The following TJP2 variants were observed in gnomAD, a reference collection of about 807,000 sequenced individuals.
The protein encoded by TJP2 is tight junction protein 2.
In TJP2, 91 loss-of-function variants were observed where a neutral mutation model predicts 133.1. The ratio of observed to expected loss-of-function variants is 0.68; its 90% CI spans 0.58 to 0.81. TJP2 has a LOEUF of 0.81. Among genes scored for constraint, TJP2 ranks in the 40% least tolerant of loss-of-function variants. The pLI, the probability that TJP2 is intolerant of heterozygous loss-of-function variation, is 0.00. For missense variants in TJP2, 1,541 were observed against 1,565.6 expected (o/e 0.98, Z 0.26); for synonymous variants, 592 against 583.4 (o/e 1.01, Z -0.21).
chr9:69,218,759 T>TA (rs1373178497), intron 4 of TJP2, among the ~76,000 whole-genome samples: 1 of 152,218 alleles, frequency 6.6e-6, no homozygotes, highest in Non-Finnish European at 1.5e-5. Context: ...AGACTGTCTA[T>TA]AATCTTCATT....
At chr9:69,224,373 T>G (rs1413755939) in intron 5 of TJP2, among the ~76,000 whole-genome samples, 3 of 152,128 alleles carry the variant, frequency 2.0e-5, no homozygotes, top group Admixed American at 6.5e-5. Context: ...CTCCCCAACA[T>G]TTTATTTGAA....
intron 1 of TJP2, among the ~76,000 whole-genome samples, chr9:69,190,640 T>C (rs2133060151): frequency 6.6e-6 from 1 of 152,246 alleles, no homozygotes; most frequent in East Asian, 1.9e-4. Context: ...AAATGAAAAA[T>C]GAGGCAAAAG....
intron 1 of TJP2, among the ~76,000 whole-genome samples, chr9:69,177,411 T>C (rs962757368): frequency 2.0e-5 from 3 of 152,214 alleles, no homozygotes; most frequent in Non-Finnish European, 2.9e-5. Context: ...TCAATGGTTA[T>C]GTGAACTTTG....
intron 17 of TJP2, among the ~76,000 whole-genome samples, chr9:69,242,151 G>T (rs928805227): frequency 1.3e-5 from 2 of 152,244 alleles, no homozygotes; most frequent in Admixed American, 6.5e-5. Context: ...AAGGCAGCCA[G>T]TGACTGTGGG....
At chr9:69,129,994 G>T (rs536823996) in intron 1 of TJP2, among the ~76,000 whole-genome samples, 29 of 139,520 alleles carry the variant, frequency 2.1e-4, no homozygotes, top group Non-Finnish European at 2.6e-4. Context: ...CAGCCTGGGG[G>T]ACAAGAGCGA....
chr9:69,178,087 C>T (rs770906412), intron 1 of TJP2, among the ~76,000 whole-genome samples: 1 of 151,986 alleles, frequency 6.6e-6, no homozygotes, highest in Non-Finnish European at 1.5e-5. Flanking sequence ...ACAACCAAAG[C>T]TTCATCATCC....
intron 1 of TJP2, among the ~76,000 whole-genome samples, chr9:69,131,173 A>C (rs1466877217): frequency 6.6e-6 from 1 of 152,172 alleles, no homozygotes; most frequent in Non-Finnish European, 1.5e-5. Flanking sequence ...CAGAAGCAAG[A>C]TTTCTTTGTG....
At chr9:69,140,813 G>A (rs542767891) in intron 1 of TJP2, among the ~76,000 whole-genome samples, 16 of 152,222 alleles carry the variant, frequency 1.1e-4, no homozygotes, top group African/African-American at 3.1e-4. Context: ...AATAGGGAGC[G>A]GTGTTCCCTC....
upstream of TJP2, chr9:69,121,364 A>G (rs1334303810): frequency 2.0e-6 from 2 of 985,022 alleles, no homozygotes; most frequent in Non-Finnish European, 2.4e-6. Context: ...TCAAGGAAGC[A>G]GGTGACAGCC....
At chr9:69,216,277 G>A (rs968904122) in intron 2 of TJP2, 62 bp from the exon 3 acceptor site, 4 of 1,602,528 alleles carry the variant, frequency 2.5e-6, no homozygotes, top group Middle Eastern at 1.7e-4. Flanking sequence ...TTGAGTGCTT[G>A]TAATAAATCC....
chr9:69,237,002 G>T lies in TJP2; in HGVS notation c.2045G>T (p.Arg682Leu), dbSNP rs374930338. The change falls in exon 14 of 23, where the codon CGG (arginine) becomes CTG (leucine). Residue 682 changes from arginine (R) to leucine (L), a missense_variant. By Grantham distance (102) the Arg-to-Leu change is moderately radical (BLOSUM62 -2). Transcript: ENST00000377245. ...QNAQRDNAGDRADFWRMRGQR... is the reference protein window; with the variant it reads ...QNAQRDNAGDLADFWRMRGQR... ...GCCCAGAGAGACAACGCTGGGGACC[G>T]GGCAGATTTCTGGAGAATGCGTGGC... 6.2e-7 allele frequency: 1 copy of T among 1,614,080 alleles called. No individual in the cohort carries two copies. The highest frequency in any genetic ancestry group is 8.5e-7 in the Non-Finnish European group (1 of 1,180,040).
At chr9:69,205,186 A>G (rs1479648771) in intron 1 of TJP2, 1 of 1,537,192 alleles carries the variant, frequency 6.5e-7, no homozygotes, top group East Asian at 2.4e-5. Flanking sequence ...AGCCCTACAT[A>G]GGATGTGGAT....
intron 10 of TJP2, 61 bp from the exon 11 acceptor site, chr9:69,230,021 G>A: frequency 6.3e-7 from 1 of 1,596,072 alleles, no homozygotes; most frequent in South Asian, 1.1e-5. Flanking sequence ...ATTTGCTAAT[G>A]TTGTTCTCCC....
In TJP2 at chr9:69,156,534, T is replaced by A. The variant is rs928333814; in HGVS notation, c.-10+4763T>A. ...TCAATACATGTAAGATTTTTTTTTT[T>A]TTTTTTTTTTTTTTTGAGACGGAGT... On this transcript the variant is annotated intron_variant, in intron 2 of 5. Coordinates refer to the TJP2 transcript ENST00000423935. 6.4e-5 allele frequency among the ~76,000 whole-genome samples: 9 copies of A among 141,176 alleles called. 1 individual carries two copies. Among genetic ancestry groups the A allele is most frequent in the East Asian group, 2.1e-4 (1 of 4,810 alleles). 92.6% of individuals were successfully genotyped at this position (141,176 alleles called of 152,430 possible).
intron 1 of TJP2, among the ~76,000 whole-genome samples, chr9:69,128,817 C>T (rs533490072): frequency 1.3e-5 from 2 of 152,156 alleles, no homozygotes; most frequent in African/African-American, 2.4e-5. Context: ...TGAGCCACTG[C>T]GCCTGGCTAT....
intron 14 of TJP2, 34 bp from the exon 15 acceptor site, chr9:69,237,843 TG>T: frequency 7.0e-7 from 1 of 1,423,496 alleles, no homozygotes; most frequent in Non-Finnish European, 9.9e-7. Context: ...GCTAGGCAAG[TG>T]TGTATGCTTT....
upstream of TJP2, among the ~76,000 whole-genome samples, chr9:69,172,388 C>T (rs1017080706): frequency 6.6e-6 from 1 of 152,224 alleles, no homozygotes; most frequent in African/African-American, 2.4e-5. Flanking sequence ...TCTATATTTG[C>T]ACTGTCCAAT....
chr9:69,156,741 G>A (rs185826101), intron 2 of TJP2, among the ~76,000 whole-genome samples: 1 of 151,620 alleles, frequency 6.6e-6, no homozygotes, highest in African/African-American at 2.4e-5. Flanking sequence ...CCGTGGTCTC[G>A]ATCTCCTGAC....
At chr9:69,197,329 T>C (rs1297597807) in intron 1 of TJP2, among the ~76,000 whole-genome samples, 2 of 151,902 alleles carry the variant, frequency 1.3e-5, no homozygotes, top group Admixed American at 1.3e-4. Flanking sequence ...TATTGTTGAG[T>C]AACAGTTCAT....
Sources: allele counts gnomAD v4.1 joint callset (sites outside exome capture counted in the v4.1 genomes callset), GRCh38; gene constraint gnomAD v4.1.1; transcripts MANE v1.5; gene names NCBI Gene and HGNC (gene_info 2026-07-23, HGNC 2026-07-21).